NBAS: variants seen among roughly 807,000 people sequenced by gnomAD.
NBAS encodes NAG/BC035112 fusion.
A neutral mutation model predicts 302.5 loss-of-function variants in NBAS; 219 were observed. That is an observed-to-expected ratio of 0.72 (90% confidence interval 0.65 to 0.81). NBAS has a LOEUF of 0.81. NBAS is among the 30% of genes least tolerant of loss of function. The probability of loss-of-function intolerance (pLI) is 0.00; values close to 1 mark genes in which losing one functional copy is unlikely to be tolerated. For synonymous variants in NBAS, 1,118 were observed against 1,021.6 expected, an observed-to-expected ratio of 1.09 and a Z score of -1.80; for missense variants, 2,932 against 2,841.6, an observed-to-expected ratio of 1.03 and a Z score of -0.72.
At chr2:15,144,046 A>ATATATATATATATATATTATCCT in the NBAS span, among the ~76,000 whole-genome samples, 5 of 104,568 alleles carry the variant, frequency 4.8e-5, no homozygotes, top group East Asian at 4.3e-4. Context: ...CCTATATATA[A>ATATATATATATATATATTATCCT]AAATATATAT....
chr2:15,538,683 A>C (rs1259403747), intron 7 of NBAS, among the ~76,000 whole-genome samples: 3 of 152,190 alleles, frequency 2.0e-5, no homozygotes. Flanking sequence ...TATTCACGGA[A>C]TTGTCATACA....
At chr2:15,434,376 G>A (rs1446708762) in intron 21 of NBAS, among the ~76,000 whole-genome samples, 1 of 152,114 alleles carries the variant, frequency 6.6e-6, no homozygotes, top group Admixed American at 6.5e-5. Flanking sequence ...CCCTAATTTT[G>A]AATAAGAGAC....
At chr2:14,835,921 A>G in the NBAS span, among the ~76,000 whole-genome samples, 1 of 151,972 alleles carries the variant, frequency 6.6e-6, no homozygotes, top group African/African-American at 2.4e-5. Flanking sequence ...ACCACTTTAC[A>G]CATCTACCAG....
At chr2:15,303,307 G>A (rs1239086566) in intron 40 of NBAS, among the ~76,000 whole-genome samples, 1 of 152,188 alleles carries the variant, frequency 6.6e-6, no homozygotes, top group Non-Finnish European at 1.5e-5. Context: ...GTAAGAGGGA[G>A]AAAGGAATAA....
At chr2:14,942,624 A>C in the NBAS span, among the ~76,000 whole-genome samples, 1 of 152,318 alleles carries the variant, frequency 6.6e-6, no homozygotes, top group East Asian at 1.9e-4. Context: ...CTTTATAGAA[A>C]TGAGAGAATG....
At chr2:15,195,716 C>A (rs1230271247) in intron 48 of NBAS, among the ~76,000 whole-genome samples, 1 of 152,162 alleles carries the variant, frequency 6.6e-6, no homozygotes, top group Non-Finnish European at 1.5e-5. Context: ...AGCTGGTGAT[C>A]AGCAGCTTCC....
intron 12 of NBAS, among the ~76,000 whole-genome samples, chr2:15,480,422 G>C (rs73200684): frequency 0.011 from 1,617 of 149,752 alleles, 27 homozygotes; most frequent in African/African-American, 0.037. Context: ...CAAGCACACA[G>C]AGAGCTAATA....
chr2:14,815,376 CA>C, the NBAS span, among the ~76,000 whole-genome samples: 8 of 152,208 alleles, frequency 5.3e-5, no homozygotes, highest in Admixed American at 2.0e-4. Flanking sequence ...GAGTGAGAGC[CA>C]AAAATGTCCT....
chr2:14,789,298 G>A, the NBAS span, among the ~76,000 whole-genome samples: 10 of 152,164 alleles, frequency 6.6e-5, no homozygotes, highest in Non-Finnish European at 1.5e-4. Context: ...GTGAGGCAAT[G>A]CCTCACCCTG....
At chr2:15,513,516 T>G (rs1326228392) in intron 9 of NBAS, among the ~76,000 whole-genome samples, 3 of 151,672 alleles carry the variant, frequency 2.0e-5, no homozygotes, top group Non-Finnish European at 4.4e-5. Flanking sequence ...GAGAAAATAT[T>G]GATGAAAAAA....
At chr2:15,180,365 T>C (rs962652611) in intron 50 of NBAS, 1 of 152,226 alleles carries the variant, frequency 6.6e-6, no homozygotes, top group African/African-American at 2.4e-5. Flanking sequence ...GTAAAACACA[T>C]TCCTCATACA....
the NBAS span, among the ~76,000 whole-genome samples, chr2:14,944,315 C>CAAAAAAA: frequency 3.8e-5 from 4 of 105,204 alleles, no homozygotes; most frequent in African/African-American, 1.4e-4. Context: ...AAACAAAAAA[C>CAAAAAAA]AAAAAAACAA....
intron 6 of NBAS, among the ~76,000 whole-genome samples, chr2:15,549,920 A>G (rs1664297337): frequency 6.6e-6 from 1 of 152,156 alleles, no homozygotes; most frequent in Admixed American, 6.5e-5. Context: ...TGGGAGGCTG[A>G]GGCAGGAGAA....
chr2:15,071,567 T>A, the NBAS span, among the ~76,000 whole-genome samples: 1 of 145,806 alleles, frequency 6.9e-6, no homozygotes. Context: ...GAGGTTGCAG[T>A]GAGCTGAGAT....
chr2:14,835,041 T>G, the NBAS span, among the ~76,000 whole-genome samples: 2 of 152,026 alleles, frequency 1.3e-5, no homozygotes, highest in Non-Finnish European at 2.9e-5. Context: ...AATAGAAGTT[T>G]ATTAAACGTG....
chr2:15,050,262 TTTTA>T, the NBAS span, among the ~76,000 whole-genome samples: 2 of 152,156 alleles, frequency 1.3e-5, no homozygotes, highest in Non-Finnish European at 2.9e-5. Flanking sequence ...TTTTTCTTTC[TTTTA>T]TTTTTCTTTC....
chr2:14,867,135 A>C, the NBAS span, among the ~76,000 whole-genome samples: 2 of 152,190 alleles, frequency 1.3e-5, no homozygotes, highest in African/African-American at 4.8e-5. Flanking sequence ...AAACAACTTG[A>C]TATATCATTA....
chr2:15,419,396 T>A (rs911087996), intron 23 of NBAS, among the ~76,000 whole-genome samples: 1 of 151,574 alleles, frequency 6.6e-6, no homozygotes, highest in Non-Finnish European at 1.5e-5. Context: ...AAATTGTGTG[T>A]GTGTATGAGT....
chr2:15,400,768 T>C (rs1346553306), intron 26 of NBAS, among the ~76,000 whole-genome samples: 2 of 152,126 alleles, frequency 1.3e-5, no homozygotes, highest in Non-Finnish European at 2.9e-5. Context: ...GCTCCTTTAT[T>C]TTAGAAAAGT....
Sources: allele counts gnomAD v4.1 joint callset (sites outside exome capture counted in the v4.1 genomes callset), GRCh38; gene constraint gnomAD v4.1.1; transcripts MANE v1.5; gene names NCBI Gene and HGNC (gene_info 2026-07-23, HGNC 2026-07-21).